The following GUCY1A2 variants were observed in gnomAD, a reference collection of about 807,000 sequenced individuals.
The protein encoded by GUCY1A2 is guanylate cyclase soluble subunit alpha-2.
In GUCY1A2, 27 loss-of-function variants were observed where a neutral mutation model predicts 63.5. That is an observed-to-expected ratio of 0.43 (90% confidence interval 0.31 to 0.59). The LOEUF (loss-of-function observed/expected upper bound fraction) is 0.59. Ranked by LOEUF, GUCY1A2 falls within the 20% of genes least tolerant of loss-of-function variation. The probability of loss-of-function intolerance (pLI) is 0.11; values close to 1 mark genes in which losing one functional copy is unlikely to be tolerated. For synonymous variants in GUCY1A2, 364 were observed against 343.5 expected, an observed-to-expected ratio of 1.06 and a Z score of -0.66; for missense variants, 768 against 913.3, an observed-to-expected ratio of 0.84 and a Z score of 2.05.
chr11:106,808,826 C>T (rs553921446), intron 5 of GUCY1A2, among the ~76,000 whole-genome samples: 1 of 152,150 alleles, frequency 6.6e-6, no homozygotes, highest in African/African-American at 2.4e-5. Flanking sequence ...ATTATAGTAT[C>T]TCTCCGGTTT....
At chr11:106,699,122 A>G (rs1862773476) in intron 7 of GUCY1A2, among the ~76,000 whole-genome samples, 1 of 152,170 alleles carries the variant, frequency 6.6e-6, no homozygotes, top group African/African-American at 2.4e-5. Context: ...ACAGCCAAAC[A>G]TGTTTAACAC....
At chr11:106,774,882 G>C (rs1428446989) in intron 6 of GUCY1A2, among the ~76,000 whole-genome samples, 1 of 152,070 alleles carries the variant, frequency 6.6e-6, no homozygotes, top group African/African-American at 2.4e-5. Context: ...TGATTGCTTA[G>C]AAGTTCTCTG....
At chr11:106,994,602 T>G (rs906818376) in intron 1 of GUCY1A2, among the ~76,000 whole-genome samples, 1 of 152,064 alleles carries the variant, frequency 6.6e-6, no homozygotes, top group East Asian at 1.9e-4. Flanking sequence ...ATCTCACGAG[T>G]CTCAGATTTA....
intron 1 of GUCY1A2, among the ~76,000 whole-genome samples, chr11:107,011,789 A>G (rs927940977): frequency 1.3e-5 from 2 of 150,928 alleles, no homozygotes; most frequent in Non-Finnish European, 3.0e-5. Context: ...AAAAAAAAGA[A>G]AAAGAAAAAG....
intron 6 of GUCY1A2, among the ~76,000 whole-genome samples, chr11:106,742,375 G>T (rs1863710477): frequency 6.6e-6 from 1 of 152,100 alleles, no homozygotes; most frequent in African/African-American, 2.4e-5. Context: ...ACTGTGGGTT[G>T]TTCCCCTCAT....
chr11:106,680,190 G>A lies in GUCY1A2; in HGVS notation c.*7359C>T, dbSNP rs1042789271. 13 of 213,000 alleles carry A rather than the reference G, an allele frequency of 6.1e-5. No homozygotes were observed. The highest frequency in any genetic ancestry group is 1.1e-4 in the Non-Finnish European group (12 of 105,390). 13.2% of individuals were successfully genotyped at this position (213,000 alleles called of 1,614,324 possible). ...CCTGAGTCTGCTGTGTAAATGCCAG[G>A]CAGCAGAATGCAAAGAAGTGTCTTC... On this transcript the variant is annotated 3_prime_UTR_variant, in exon 8 of 8. Transcript: ENST00000526355.
intron 6 of GUCY1A2, 27 bp from the exon 7 acceptor site, chr11:106,708,693 A>G: frequency 6.7e-7 from 1 of 1,502,464 alleles, no homozygotes; most frequent in Non-Finnish European, 9.0e-7. Context: ...GAGGAAAAGG[A>G]ACATATTTGT....
At chr11:106,875,882 G>A (rs1859742088) in intron 4 of GUCY1A2, among the ~76,000 whole-genome samples, 1 of 151,896 alleles carries the variant, frequency 6.6e-6, no homozygotes, top group Non-Finnish European at 1.5e-5. Context: ...GGTGCCAGAG[G>A]AAATGTGGCA....
chr11:106,725,143 A>G (rs12293752), intron 6 of GUCY1A2, among the ~76,000 whole-genome samples: 81 of 72,670 alleles, frequency 1.1e-3, no homozygotes, highest in South Asian at 2.3e-3. Context: ...CTTCTTATTG[A>G]CATAAATTCT....
rs767595195 is a variant in GUCY1A2 at position 106,962,776 on chromosome 11, T to TTA, written c.487+15841_487+15842dup. Among the ~76,000 whole-genome samples the TTA allele has an allele frequency of 8.5e-3, 1,262 of 148,056 alleles. 12 individuals carry two copies. The highest frequency in any genetic ancestry group is 0.028 in the African/African-American group (1,141 of 40,728). On this transcript the variant is annotated intron_variant, in intron 3 of 7. Coordinates refer to ENST00000526355, the MANE Select transcript of GUCY1A2 (RefSeq NM_000855.3). ...TAAAGTTTTAAGGAATTATATATAT[T>TTA]TATATATATATATAAAATATATATA...
At chr11:106,922,460 T>C (rs569950070) in intron 4 of GUCY1A2, among the ~76,000 whole-genome samples, 1 of 151,422 alleles carries the variant, frequency 6.6e-6, no homozygotes, top group South Asian at 2.1e-4. Context: ...CAAATATATA[T>C]GTATATATTC....
At chr11:106,689,715 G>A (rs1862588567) in intron 7 of GUCY1A2, among the ~76,000 whole-genome samples, 1 of 152,104 alleles carries the variant, frequency 6.6e-6, no homozygotes, top group Admixed American at 6.5e-5. Context: ...CAAGGGCCGG[G>A]CACGGTGGCT....
At chr11:106,915,032 A>G (rs1304518607) in intron 4 of GUCY1A2, among the ~76,000 whole-genome samples, 1 of 152,162 alleles carries the variant, frequency 6.6e-6, no homozygotes, top group Admixed American at 6.6e-5. Flanking sequence ...AGAAGAAATA[A>G]AGACTTTTTC....
intron 6 of GUCY1A2, among the ~76,000 whole-genome samples, chr11:106,752,498 C>T (rs964829281): frequency 6.6e-6 from 1 of 152,168 alleles, no homozygotes; most frequent in Admixed American, 6.5e-5. Flanking sequence ...TCTCCTAATG[C>T]TATCCTTCCC....
intron 4 of GUCY1A2, among the ~76,000 whole-genome samples, chr11:106,913,626 A>G (rs1238653042): frequency 6.6e-6 from 1 of 152,106 alleles, no homozygotes; most frequent in African/African-American, 2.4e-5. Flanking sequence ...AACAAACCAT[A>G]TTCAAACTAT....
chr11:106,872,703 T>G (rs1288995074), intron 4 of GUCY1A2, among the ~76,000 whole-genome samples: 1 of 152,208 alleles, frequency 6.6e-6, no homozygotes, highest in African/African-American at 2.4e-5. Context: ...GATATAAGCA[T>G]GCTGTCTGGA....
chr11:106,864,214 T>TAAA (rs1409615688), intron 4 of GUCY1A2, among the ~76,000 whole-genome samples: 1 of 127,762 alleles, frequency 7.8e-6, no homozygotes, highest in Non-Finnish European at 1.8e-5. Context: ...TAAAGTATAA[T>TAAA]AATAATAAGA....
intron 1 of GUCY1A2, among the ~76,000 whole-genome samples, chr11:106,996,543 C>T (rs554631151): frequency 6.6e-6 from 1 of 152,288 alleles, no homozygotes; most frequent in Non-Finnish European, 1.5e-5. Flanking sequence ...CTCAGATAGT[C>T]TGATCAGGTA....
intron 4 of GUCY1A2, among the ~76,000 whole-genome samples, chr11:106,898,764 A>T (rs1860086110): frequency 6.6e-6 from 1 of 152,278 alleles, no homozygotes; most frequent in African/African-American, 2.4e-5. Flanking sequence ...TCCATATGAT[A>T]CTATAATGGT....
Sources: allele counts gnomAD v4.1 joint callset (sites outside exome capture counted in the v4.1 genomes callset), GRCh38; gene constraint gnomAD v4.1.1; transcripts MANE v1.5; gene names NCBI Gene and HGNC (gene_info 2026-07-23, HGNC 2026-07-21).